ATP2C1: variants seen among roughly 807,000 people sequenced by gnomAD.
The protein encoded by ATP2C1 is ATPase secretory pathway Ca2+ transporting 1.
A neutral mutation model predicts 120.5 loss-of-function variants in ATP2C1; 31 were observed. The ratio of observed to expected loss-of-function variants is 0.26; its 90% confidence interval spans 0.19 to 0.35. The LOEUF (loss-of-function observed/expected upper bound fraction) is 0.35. Ranked by LOEUF, ATP2C1 falls within the 10% of genes least tolerant of loss-of-function variation. ATP2C1 has a pLI of 1.00. For synonymous variants in ATP2C1, 351 were observed against 358.7 expected, an observed-to-expected ratio of 0.98 and a Z score of 0.24; for missense variants, 731 against 1,107.5, an observed-to-expected ratio of 0.66 and a Z score of 4.83.
At chr3:130,895,796 A>G (rs2069577021) in intron 2 of ATP2C1, among the ~76,000 whole-genome samples, 1 of 152,200 alleles carries the variant, frequency 6.6e-6, no homozygotes. Context: ...TAGATGCAGT[A>G]ATGTGTTTTG....
In ATP2C1 at chr3:130,894,162, C is replaced by T; in HGVS notation, c.-356C>T. 1 of 733,880 alleles carries T rather than the reference C, an allele frequency of 1.4e-6. No individual in the cohort carries two copies. The highest frequency in any genetic ancestry group is 1.7e-6 in the Non-Finnish European group (1 of 600,200). 45.5% of individuals were successfully genotyped at this position (733,880 alleles called of 1,614,324 possible). The stretch of plus-strand genomic sequence containing the variant: ...CCTCCTCTTCTCTCCCCTCCCCGCC[C>T]GCCCTCTCTCCCTCCCTTCCTCCCT... On this transcript the variant is annotated 5_prime_UTR_variant, in exon 1 of 28. Coordinates refer to ENST00000510168, the MANE Select transcript of ATP2C1 (RefSeq NM_001378687.1). The surrounding 1 kb of genome is among the most constrained non-coding windows in gnomAD (Gnocchi z 4.5).
chr3:130,873,720 AAAAAG>A (rs1217821428), intron 1 of ATP2C1, among the ~76,000 whole-genome samples: 1 of 152,348 alleles, frequency 6.6e-6, no homozygotes, highest in African/African-American at 2.4e-5. Flanking sequence ...AGCTTTTGGG[AAAAAG>A]AAAAGACTAT....
intron 9 of ATP2C1, among the ~76,000 whole-genome samples, chr3:130,954,765 G>C (rs181018301): frequency 1.3e-5 from 2 of 152,158 alleles, no homozygotes; most frequent in South Asian, 2.1e-4. Context: ...GGCATTATAG[G>C]CGTGAGCCAC....
Position 130,932,015 on chromosome 3 carries a change from C to CG in ATP2C1, c.118-7_118-6insG. On this transcript the variant is annotated splice_polypyrimidine_tract_variant and splice_region_variant and intron_variant, in intron 3 of 27. Coordinates refer to ENST00000510168, the MANE Select transcript of ATP2C1 (RefSeq NM_001378687.1). ...TTTCAATAACTTTCATGTATAAACT[C>CG]TAATAGGCTGATCTTCAGAATGGTC... 6.4e-7 allele frequency: 1 copy of CG among 1,568,260 alleles called. No individual in the cohort carries two copies. The highest frequency in any genetic ancestry group is 8.8e-7 in the Non-Finnish European group (1 of 1,138,410).
At chr3:130,926,727 CT>C (rs1559932328) in intron 2 of ATP2C1, among the ~76,000 whole-genome samples, 1 of 152,266 alleles carries the variant, frequency 6.6e-6, no homozygotes, top group Admixed American at 6.5e-5. Context: ...TACCAGGTCT[CT>C]CAGCCCTTGG....
At chr3:130,976,333 C>G (rs1314124096) in intron 18 of ATP2C1, among the ~76,000 whole-genome samples, 2 of 152,130 alleles carry the variant, frequency 1.3e-5, no homozygotes, top group African/African-American at 4.8e-5. Flanking sequence ...GAAAGGTACT[C>G]TTACCAGCAG....
chr3:130,894,656 G>A lies in ATP2C1; in HGVS notation c.-114G>A. ...GGCCGGGAGCGGGGGTGACAGCCTG[G>A]GATTCCGGGGGCTTCTCTTCCTTGT... On this transcript the variant is annotated 5_prime_UTR_variant, in exon 2 of 28. Coordinates refer to ENST00000510168, the MANE Select transcript of ATP2C1 (RefSeq NM_001378687.1). The surrounding 1 kb of genome is among the most constrained non-coding windows in gnomAD (Gnocchi z 4.5). The A allele has an allele frequency of 6.2e-7, 1 of 1,609,152 alleles. No homozygotes were observed.
At chr3:130,975,231 C>A in intron 17 of ATP2C1, 101 bp from the exon 18 acceptor site, 1 of 1,214,046 alleles carries the variant, frequency 8.2e-7, no homozygotes, top group Non-Finnish European at 1.2e-6. Flanking sequence ...TGAGTAACTT[C>A]TCTGGGAATT....
At chr3:130,981,034 G>A (rs1460656143) in intron 20 of ATP2C1, among the ~76,000 whole-genome samples, 1 of 152,128 alleles carries the variant, frequency 6.6e-6, no homozygotes, top group Non-Finnish European at 1.5e-5. Context: ...TTTAGCATGA[G>A]TATGTGATTT....
intron 1 of ATP2C1, among the ~76,000 whole-genome samples, chr3:130,855,393 G>A: frequency 6.6e-6 from 1 of 152,220 alleles, no homozygotes; most frequent in South Asian, 2.1e-4. Flanking sequence ...TATTAGAGAA[G>A]CCGTGGGGTT....
intron 1 of ATP2C1, among the ~76,000 whole-genome samples, chr3:130,858,774 T>C (rs552450234): frequency 2.6e-5 from 4 of 152,352 alleles, no homozygotes; most frequent in African/African-American, 9.6e-5. Context: ...TGTTTGTGTA[T>C]GTGTTTTGTA....
chr3:131,013,865 A>T, intron 26 of ATP2C1: 1 of 506,306 alleles, frequency 2.0e-6, no homozygotes, highest in Non-Finnish European at 3.4e-6. Context: ...ATATTTAGAA[A>T]TACAGAAGCT....
intron 8 of ATP2C1, among the ~76,000 whole-genome samples, chr3:130,942,901 C>G (rs375835880): frequency 1.2e-4 from 19 of 152,166 alleles, no homozygotes; most frequent in African/African-American, 4.3e-4. Flanking sequence ...CCCAGAAAAC[C>G]CTAATTTAAA....
intron 1 of ATP2C1, among the ~76,000 whole-genome samples, chr3:130,888,981 A>G (rs949005201): frequency 6.6e-6 from 1 of 152,238 alleles, no homozygotes; most frequent in African/African-American, 2.4e-5. Flanking sequence ...TGTGAGTTAT[A>G]CATACATTTA....
At chr3:130,853,511 T>G (rs1259741193) in intron 1 of ATP2C1, among the ~76,000 whole-genome samples, 1 of 152,164 alleles carries the variant, frequency 6.6e-6, no homozygotes, top group East Asian at 1.9e-4. Flanking sequence ...CACCATCTGC[T>G]TCTTTACTTT....
At chr3:130,972,550 G>A (rs949177873) in intron 17 of ATP2C1, among the ~76,000 whole-genome samples, 8 of 149,414 alleles carry the variant, frequency 5.4e-5, no homozygotes, top group Non-Finnish European at 1.2e-4. Flanking sequence ...GTATACATGT[G>A]CCATGCTGGT....
rs762279063 is a variant in ATP2C1 at position 130,964,147 on chromosome 3, A to G, written c.1024+52A>G. On this transcript the variant is annotated intron_variant, in intron 13 of 27. Transcript: ENST00000510168. ...TGCAATGATGCGTAAGTTTATGTCA[A>G]TAGTGAATCATCTCAGAGTTTTACA... The G allele has an allele frequency of 1.2e-5, 20 of 1,602,390 alleles. No homozygotes were observed. The East Asian group carries it at 4.0e-4, about 32-fold the overall frequency.
At chr3:131,005,687 A>C (rs2063081514), downstream of ATP2C1, among the ~76,000 whole-genome samples, 1 of 152,230 alleles carries the variant, frequency 6.6e-6, no homozygotes, top group Admixed American at 6.5e-5. Flanking sequence ...GTTGTTGTTA[A>C]ATTAAGCGAT....
At chr3:130,999,811 A>AG in intron 27 of ATP2C1, 152 bp downstream of exon 27, 1 of 772,814 alleles carries the variant, frequency 1.3e-6, no homozygotes, top group Non-Finnish European at 2.0e-6. Context: ...GGGGAAGCTC[A>AG]GGGGAATTAC....
Sources: allele counts gnomAD v4.1 joint callset (sites outside exome capture counted in the v4.1 genomes callset), GRCh38; gene constraint gnomAD v4.1.1; non-coding constraint Gnocchi (gnomAD v3.1); transcripts MANE v1.5; gene names NCBI Gene and HGNC (gene_info 2026-07-23, HGNC 2026-07-21).